Variants in TENM2 observed in about 807,000 individuals in gnomAD.
TENM2 encodes the protein teneurin transmembrane protein 2, also known as teneurin-2.
TENM2 carries 52 observed loss-of-function variants against 245.2 expected under a neutral mutation model. That is an observed-to-expected ratio of 0.21 (90% CI 0.17 to 0.27). The LOEUF (loss-of-function observed/expected upper bound fraction) is 0.27, where lower values mean the gene tolerates loss of function less well. Ranked by LOEUF, TENM2 falls within the 10% of genes least tolerant of loss-of-function variation. TENM2 has a pLI of 1.00. For missense variants in TENM2, 3,046 were observed against 3,666.8 expected (o/e 0.83, Z 4.37); for synonymous variants, 1,363 against 1,438.9 (o/e 0.95, Z 1.19).
intron 5 of TENM2, among the ~76,000 whole-genome samples, chr5:168,003,345 ACCCC>A (rs59630722): frequency 1.4e-5 from 1 of 73,650 alleles, no homozygotes; most frequent in African/African-American, 5.1e-5. Context: ...ACACACACAC[ACCCC>A]CAAAGCTGGC....
the TENM2 span, among the ~76,000 whole-genome samples, chr5:167,229,748 T>C: frequency 1.3e-5 from 2 of 152,002 alleles, no homozygotes; most frequent in Non-Finnish European, 2.9e-5. Context: ...GGTTCACTGG[T>C]GGTGTGTATA....
intron 13 of TENM2, among the ~76,000 whole-genome samples, chr5:168,180,771 G>A (rs937816379): frequency 4.6e-5 from 7 of 152,014 alleles, no homozygotes; most frequent in African/African-American, 7.2e-5. Context: ...GCATTGTGGC[G>A]GGCGCCTGTA....
chr5:167,124,954 G>T, the TENM2 span, among the ~76,000 whole-genome samples: 1 of 152,128 alleles, frequency 6.6e-6, no homozygotes, highest in Non-Finnish European at 1.5e-5. Flanking sequence ...GTGGTGCTTT[G>T]AAAAATACGT....
intron 1 of TENM2, among the ~76,000 whole-genome samples, chr5:167,290,373 A>G (rs1041007358): frequency 3.9e-5 from 6 of 152,150 alleles, no homozygotes; most frequent in Non-Finnish European, 1.5e-5. Context: ...ATTTCTTACA[A>G]TTGTGTATTT....
At chr5:167,857,612 G>A (rs769012820) in intron 2 of TENM2, among the ~76,000 whole-genome samples, 4 of 152,066 alleles carry the variant, frequency 2.6e-5, no homozygotes, top group Admixed American at 6.5e-5. Context: ...TGGAACCCTT[G>A]TTTCCTGGGA....
At chr5:167,748,740 G>A (rs529801450) in intron 2 of TENM2, among the ~76,000 whole-genome samples, 7 of 152,210 alleles carry the variant, frequency 4.6e-5, no homozygotes, top group Non-Finnish European at 8.8e-5. Context: ...GGAGAGAAGT[G>A]CAAGTAGGGG....
At chr5:167,881,492 G>A (rs528183252) in intron 3 of TENM2, among the ~76,000 whole-genome samples, 64 of 152,324 alleles carry the variant, frequency 4.2e-4, no homozygotes, top group African/African-American at 1.4e-3. Context: ...ATAAATGAAT[G>A]AGTGTCTATA....
intron 12 of TENM2, among the ~76,000 whole-genome samples, chr5:168,127,907 C>G (rs1276386307): frequency 6.6e-6 from 1 of 152,204 alleles, no homozygotes; most frequent in African/African-American, 2.4e-5. Flanking sequence ...CCTTTGATCC[C>G]AGCCATCAAG....
At chr5:167,247,714 T>C in the TENM2 span, among the ~76,000 whole-genome samples, 9 of 152,328 alleles carry the variant, frequency 5.9e-5, no homozygotes, top group African/African-American at 2.2e-4. Context: ...TCTGCTTTTT[T>C]GAATTTAAAT....
chr5:167,035,324 T>C, the TENM2 span, among the ~76,000 whole-genome samples: 1 of 152,184 alleles, frequency 6.6e-6, no homozygotes, highest in African/African-American at 2.4e-5. Flanking sequence ...ATTAGATGAG[T>C]GATCCTCGAA....
intron 2 of TENM2, among the ~76,000 whole-genome samples, chr5:167,509,061 A>G (rs148675576): frequency 0.012 from 1,834 of 152,216 alleles, 37 homozygotes; most frequent in African/African-American, 0.042. Context: ...CAGGTGATCC[A>G]CCCACCTCAG....
At chr5:167,079,742 A>G in the TENM2 span, among the ~76,000 whole-genome samples, 4 of 152,226 alleles carry the variant, frequency 2.6e-5, no homozygotes, top group Non-Finnish European at 4.4e-5. Context: ...ACTTCTTGCT[A>G]AACAAAGCCC....
chr5:167,875,974 C>A lies in TENM2; in HGVS notation c.503-12C>A. The stretch of plus-strand genomic sequence containing the variant: ...CATTGCTGACCTTTGACCCCTCTGT[C>A]CTCTTTCCCAGGTCGTCCCATTCCA... On this transcript the variant is annotated splice_polypyrimidine_tract_variant and intron_variant, in intron 2 of 28. Transcript: ENST00000518659. The A allele has an allele frequency of 6.5e-7, 1 of 1,548,140 alleles. No individual in the cohort carries two copies. The highest frequency in any genetic ancestry group is 8.7e-7 in the Non-Finnish European group (1 of 1,144,798).
Position 168,258,164 on chromosome 5 carries a change from C to A in TENM2, c.7433-2119C>A, listed in dbSNP as rs6878507. ...ACGGAAAACAGGCTTTCAAACAAAA[C>A]TTTGTGCAGGAATGTTTATAGCAGC... On this transcript the variant is annotated intron_variant, in intron 27 of 28. Transcript: ENST00000518659. Among the ~76,000 whole-genome samples the A allele has an allele frequency of 9.2e-3, 1,408 of 152,244 alleles. 23 individuals carry two copies. The highest frequency in any genetic ancestry group is 0.032 in the African/African-American group (1,345 of 41,540).
intron 7 of TENM2, among the ~76,000 whole-genome samples, chr5:168,073,155 T>C (rs1791171432): frequency 6.6e-6 from 1 of 152,224 alleles, no homozygotes; most frequent in Non-Finnish European, 1.5e-5. Flanking sequence ...TCTTGTATGT[T>C]TCCTGGAGCC....
At position 168,098,155 on chromosome 5, in the gene TENM2, T is replaced by C. The variant is rs376218616; in HGVS notation, c.1813+28T>C. On this transcript the variant is annotated intron_variant, in intron 9 of 28. Coordinates refer to ENST00000518659, the Ensembl canonical transcript of TENM2. ...ATGTGCCGCCACTTCCCTGCTATGGTTGGAAAACAGACCCTCCCTAGGCTT... is the reference window on the plus strand; with the variant it reads ...ATGTGCCGCCACTTCCCTGCTATGGCTGGAAAACAGACCCTCCCTAGGCTT... 2.8e-4 allele frequency: 440 copies of C among 1,549,722 alleles called. No homozygotes were observed. The African/African-American group carries it at 5.0e-3, about 18-fold the overall frequency.
At chr5:167,300,972 G>A (rs570720286) in intron 1 of TENM2, among the ~76,000 whole-genome samples, 14 of 152,116 alleles carry the variant, frequency 9.2e-5, no homozygotes, top group East Asian at 1.9e-4. Context: ...AAGCCTGGCC[G>A]TCAATACCTA....
rs76738249 is a variant in TENM2 at position 168,121,535 on chromosome 5, A to G, written c.2008+3049A>G. On this transcript the variant is annotated intron_variant, in intron 10 of 28. Coordinates refer to ENST00000518659, the Ensembl canonical transcript of TENM2. ...GTTAGCTCATATTTTTAGATACAAT[A>G]AATGGTTTTTTTGATGGCATTCTAG... 8.1e-3 allele frequency among the ~76,000 whole-genome samples: 1,237 copies of G among 152,348 alleles called. 14 individuals are homozygous for G. Among genetic ancestry groups the G allele is most frequent in the African/African-American group, 0.028 (1,170 of 41,570 alleles).
At chr5:168,004,230 C>T (rs559933054) in intron 5 of TENM2, among the ~76,000 whole-genome samples, 1 of 152,198 alleles carries the variant, frequency 6.6e-6, no homozygotes, top group South Asian at 2.1e-4. Context: ...TATTTTATAC[C>T]AGACCCTTCC....
Sources: allele counts gnomAD v4.1 joint callset (sites outside exome capture counted in the v4.1 genomes callset), GRCh38; gene constraint gnomAD v4.1.1; transcripts MANE v1.5; gene names NCBI Gene and HGNC (gene_info 2026-07-23, HGNC 2026-07-21).